The following ZSCAN26 variants were observed in gnomAD, a reference collection of about 807,000 sequenced individuals.
The protein encoded by ZSCAN26 is zinc finger and SCAN domain containing 26, also known as zinc finger and SCAN domain-containing protein 26.
Under a neutral mutation model 23.0 loss-of-function variants are expected in ZSCAN26, and 26 were observed. The ratio of observed to expected loss-of-function variants is 1.13; its 90% CI spans 0.83 to 1.57. ZSCAN26 has a LOEUF of 1.57. Ranked by LOEUF, ZSCAN26 falls within the 40% of genes most tolerant of loss-of-function variation. The probability of loss-of-function intolerance (pLI) is 0.00; values close to 1 mark genes in which losing one functional copy is unlikely to be tolerated. For missense variants in ZSCAN26, 528 were observed against 568.5 expected (o/e 0.93, Z 0.72); for synonymous variants, 180 against 202.5 (o/e 0.89, Z 0.94).
chr6:28,276,605 G>A lies in ZSCAN26; in HGVS notation c.949G>A (p.Gly317Ser). ...GAAGCCTTATCAGTGCAATGAGTGT[G>A]GCAAAGTCTTTAGCCAGAATGCAGG... ...GEKPYQCNEC[G>S]KVFSQNAGLL... The change falls in exon 4 of 4, where the codon GGC (glycine) becomes AGC (serine). Residue 317 changes from glycine (G) to serine (S), a missense_variant. Physicochemically the swap from Gly to Ser is moderately conservative, Grantham distance 56. Transcript: ENST00000421553. 1 of 1,612,524 alleles carries A rather than the reference G, an allele frequency of 6.2e-7. No individual in the cohort carries two copies. The highest frequency in any genetic ancestry group is 8.5e-7 in the Non-Finnish European group (1 of 1,179,268).
intron 1 of ZSCAN26, 133 bp from the exon 2 acceptor site, chr6:28,271,721 G>T: frequency 8.9e-6 from 5 of 564,832 alleles, no homozygotes; most frequent in South Asian, 2.7e-5. Flanking sequence ...TTTTCCTTCT[G>T]TATGTATGTT....
intron 1 of ZSCAN26, among the ~76,000 whole-genome samples, chr6:28,269,150 A>G (rs1367416467): frequency 1.3e-5 from 2 of 151,900 alleles, no homozygotes; most frequent in East Asian, 1.9e-4. Flanking sequence ...CTATATATAC[A>G]TATCAACATC....
At chr6:28,268,295 G>T (rs1761527113) in intron 1 of ZSCAN26, among the ~76,000 whole-genome samples, 1 of 152,054 alleles carries the variant, frequency 6.6e-6, no homozygotes, top group African/African-American at 2.4e-5. Flanking sequence ...AAAATTGGAG[G>T]GTTGGAGGGT....
intron 1 of ZSCAN26, among the ~76,000 whole-genome samples, chr6:28,268,630 T>G (rs1208533631): frequency 6.6e-6 from 1 of 152,194 alleles, no homozygotes; most frequent in African/African-American, 2.4e-5. Context: ...GAGAGATATT[T>G]AAGCAATAGA....
rs757181763 is a variant in ZSCAN26 at position 28,276,953 on chromosome 6, C to A, written c.1297C>A (p.Arg433=). The A allele has an allele frequency of 1.9e-6, 3 of 1,613,818 alleles. No individual in the cohort carries two copies. The African/African-American group carries it at 4.0e-5, about 22-fold the overall frequency. Residue 433 remains arginine, a synonymous_variant, in exon 4 of 4, where the codon CGA becomes AGA. Transcript: ENST00000421553. The stretch of plus-strand genomic sequence containing the variant: ...GTGTAACATATGCCAGAAAGCCTTC[C>A]GACTAAACTCACACCTTGCTCAGCA... ...FKCNICQKAF[R]LNSHLAQHVR...
intron 3 of ZSCAN26, among the ~76,000 whole-genome samples, chr6:28,274,100 G>A (rs958054951): frequency 1.4e-5 from 2 of 143,180 alleles, no homozygotes; most frequent in African/African-American, 5.3e-5. Flanking sequence ...TTTTTTTTCT[G>A]TCATAGAACT....
Position 28,272,127 on chromosome 6 carries a change from A to G in ZSCAN26, c.208A>G (p.Ser70Gly). Residue 70 changes from serine (S) to glycine (G), a missense_variant, in exon 2 of 4, where the codon AGT becomes GGT. Coordinates refer to ENST00000421553, the MANE Select transcript of ZSCAN26 (RefSeq NM_001023560.4). ...EETTGPREAL[S>G]RLRELCQQWL... ...GACCACAGGACCTCGAGAAGCACTA[A>G]GTCGGCTCCGGGAGCTCTGTCAACA... 6.2e-7 allele frequency: 1 copy of G among 1,607,386 alleles called. No homozygotes were observed. Among genetic ancestry groups the G allele is most frequent in the Non-Finnish European group, 8.5e-7 (1 of 1,176,618 alleles).
chr6:28,269,280 C>T (rs138726700), intron 1 of ZSCAN26, among the ~76,000 whole-genome samples: 1 of 151,804 alleles, frequency 6.6e-6, no homozygotes, highest in Non-Finnish European at 1.5e-5. Context: ...AATATGAATA[C>T]AGGTATATAT....
Position 28,276,777 on chromosome 6 carries a change from A to G in ZSCAN26, c.1121A>G (p.Lys374Arg), listed in dbSNP as rs572064531. 1.3e-4 allele frequency: 203 copies of G among 1,613,994 alleles called. 1 individual carries two copies. In the South Asian group the frequency reaches 2.0e-3, roughly 16 times the overall value. Residue 374 changes from lysine (K) to arginine (R), a missense_variant, in exon 4 of 4, where the codon AAA becomes AGA. Lys to Arg is a conservative substitution (Grantham distance 26). Transcript: ENST00000421553. ...CCCTGTGAGTGCAAGGAGTGTGGAA[A>G]AACCTTTAGTCAGGCCTTACTCCTC... Reference protein sequence around the residue: ...EEPCECKECGKTFSQALLLTH... With the variant: ...EEPCECKECGRTFSQALLLTH...
chr6:28,276,053 C>G (rs1320424719), intron 3 of ZSCAN26, 142 bp from the exon 4 acceptor site: 2 of 704,952 alleles, frequency 2.8e-6, no homozygotes, highest in Non-Finnish European at 4.6e-6. Flanking sequence ...CATTCTGTAA[C>G]TATTTTACGC....
intron 1 of ZSCAN26, among the ~76,000 whole-genome samples, chr6:28,270,288 G>A (rs1389213723): frequency 5.3e-5 from 8 of 152,150 alleles, no homozygotes; most frequent in Admixed American, 3.3e-4. Context: ...ATATATAACA[G>A]CAAACTGTTT....
Position 28,271,972 on chromosome 6 carries a change from AG to A in ZSCAN26, c.55del (p.Glu19ArgfsTer5). On this transcript the variant is annotated frameshift_variant, in exon 2 of 4. Coordinates refer to ENST00000421553, the MANE Select transcript of ZSCAN26 (RefSeq NM_001023560.4). LOFTEE classifies it high-confidence loss of function. Reference sequence around the variant, plus strand: ...TCCCTGGCTCCCCTGAATCTGAAGAAGGAGGGGCTTCGGGTAGTGAGGGAGG... The same window carrying A: ...TCCCTGGCTCCCCTGAATCTGAAGAAGAGGGGCTTCGGGTAGTGAGGGAGG... Reference protein sequence around the residue: ...AHSLAPLNLKKEGLRVVREDH... With the variant: ...AHSLAPLNLKXEGLRVVREDH... 1 of 1,551,710 alleles carries A rather than the reference AG, an allele frequency of 6.4e-7. No homozygotes were observed. The highest frequency in any genetic ancestry group is 8.7e-7 in the Non-Finnish European group (1 of 1,146,990).
rs1016952747 is a variant in ZSCAN26 at position 28,271,872 on chromosome 6, A to G, written c.-48A>G. 17 of 1,473,742 alleles carry G rather than the reference A, an allele frequency of 1.2e-5. No homozygotes were observed. Among genetic ancestry groups the G allele is most frequent in the Admixed American group, 4.8e-5 (2 of 41,888 alleles). 91.3% of individuals were successfully genotyped at this position (1,473,742 alleles called of 1,614,324 possible). Reference sequence around the variant, plus strand: ...ATTTTAGGAGTGTCTCTGAAGATACAGTCCAAAGAAAGTTCTCCAAAACAA... The same window carrying G: ...ATTTTAGGAGTGTCTCTGAAGATACGGTCCAAAGAAAGTTCTCCAAAACAA... On this transcript the variant is annotated 5_prime_UTR_variant, in exon 2 of 4. Transcript: ENST00000421553.
Position 28,272,745 on chromosome 6 carries a change from G to A in ZSCAN26, c.496G>A (p.Val166Ile). Residue 166 changes from valine to isoleucine, a missense_variant, in exon 3 of 4, where the codon GTT becomes ATT. Val to Ile is a conservative substitution (Grantham distance 29). Coordinates refer to ENST00000421553, the MANE Select transcript of ZSCAN26 (RefSeq NM_001023560.4). ...TCTGAAAGGAGTACAGGAACAGCAG[G>A]TTCGGCATGAGTGTGAAGTTACAAA... ...APLKGVQEQQ[V>I]RHECEVTKPE... 1 of 1,613,610 alleles carries A rather than the reference G, an allele frequency of 6.2e-7. No homozygotes were observed. Among genetic ancestry groups the A allele is most frequent in the Non-Finnish European group, 8.5e-7 (1 of 1,179,742 alleles).
In ZSCAN26 at chr6:28,276,910, T is replaced by C. The variant is rs1381431201; in HGVS notation, c.1254T>C (p.Thr418=). Reference sequence around the variant, plus strand: ...TTATTCGACACCACAGAATTCATACTGGAGAAAAACCTTTCAAGTGTAACA... The same window carrying C: ...TTATTCGACACCACAGAATTCATACCGGAGAAAAACCTTTCAAGTGTAACA... ...SDLIRHHRIH[T]GEKPFKCNIC... is the part of the protein sequence containing the mutation. The change falls in exon 4 of 4, where the codon ACT becomes ACC. Residue 418 remains threonine, a synonymous_variant. Coordinates refer to ENST00000421553, the MANE Select transcript of ZSCAN26 (RefSeq NM_001023560.4). 1.2e-6 allele frequency: 2 copies of C among 1,614,004 alleles called. No homozygotes were observed. The highest frequency in any genetic ancestry group is 1.3e-5 in the African/African-American group (1 of 75,060).
chr6:28,276,954 G>A lies in ZSCAN26; in HGVS notation c.1298G>A (p.Arg433Gln), dbSNP rs375309268. Residue 433 changes from arginine to glutamine, a missense_variant, in exon 4 of 4, where the codon CGA (arginine) becomes CAA (glutamine). Arg to Gln is a conservative substitution (Grantham distance 43, BLOSUM62 1). Coordinates refer to ENST00000421553, the MANE Select transcript of ZSCAN26 (RefSeq NM_001023560.4). ...FKCNICQKAFRLNSHLAQHVR... is the reference protein window; with the variant it reads ...FKCNICQKAFQLNSHLAQHVR... ...TGTAACATATGCCAGAAAGCCTTCC[G>A]ACTAAACTCACACCTTGCTCAGCAT... The A allele has an allele frequency of 1.4e-5, 23 of 1,613,812 alleles. No individual in the cohort carries two copies. In the African/African-American group the frequency reaches 1.6e-4, roughly 11 times the overall value.
At chr6:28,267,522 C>T (rs943932016) in intron 1 of ZSCAN26, 1 of 151,700 alleles carries the variant, frequency 6.6e-6, no homozygotes, top group Non-Finnish European at 1.5e-5. Context: ...ACCTAAGTGG[C>T]TTTTGCGGTC....
At chr6:28,270,282 A>G (rs2113713625) in intron 1 of ZSCAN26, among the ~76,000 whole-genome samples, 1 of 152,352 alleles carries the variant, frequency 6.6e-6, no homozygotes, top group Middle Eastern at 3.4e-3. Flanking sequence ...TCAGGAATAT[A>G]TAACAGCAAA....
Position 28,272,209 on chromosome 6 carries a change from A to G in ZSCAN26, c.290A>G (p.Glu97Gly), listed in dbSNP as rs898532505. Residue 97 changes from glutamate (E) to glycine (G), a missense_variant, in exon 2 of 4, where the codon GAG (glutamate) becomes GGG (glycine). By Grantham distance (98) the Glu-to-Gly change is moderately conservative. Transcript: ENST00000421553. ...KEQILELLVLEQFLIILPKEL... is the reference protein window; with the variant it reads ...KEQILELLVLGQFLIILPKEL... ...CAGATCCTGGAGCTGCTGGTGCTGG[A>G]GCAGTTTCTGATCATCCTGCCTAAG... 1.9e-6 allele frequency: 3 copies of G among 1,614,072 alleles called. No individual in the cohort carries two copies. The highest frequency in any genetic ancestry group is 2.5e-6 in the Non-Finnish European group (3 of 1,180,002).
Sources: allele counts gnomAD v4.1 joint callset (sites outside exome capture counted in the v4.1 genomes callset), GRCh38; gene constraint gnomAD v4.1.1; transcripts MANE v1.5; gene names NCBI Gene and HGNC (gene_info 2026-07-23, HGNC 2026-07-21).